The following C12orf42 variants were observed in gnomAD, a reference collection of about 807,000 sequenced individuals.
C12orf42 encodes uncharacterized protein C12orf42.
C12orf42 carries 25 observed loss-of-function variants against 21.6 expected under a neutral mutation model. The ratio of observed to expected loss-of-function variants is 1.16; its 90% CI spans 0.84 to 1.62. The LOEUF is 1.62. C12orf42 is among the 40% of genes most tolerant of loss of function. The probability of loss-of-function intolerance (pLI) is 0.00; values close to 1 mark genes in which losing one functional copy is unlikely to be tolerated. For missense variants in C12orf42, 483 were observed against 459.3 expected, an observed-to-expected ratio of 1.05 and a Z score of -0.47; for synonymous variants, 174 against 175.0, an observed-to-expected ratio of 0.99 and a Z score of 0.05.
At chr12:103,338,983 T>G (rs2041952770) in intron 4 of C12orf42, among the ~76,000 whole-genome samples, 1 of 152,176 alleles carries the variant, frequency 6.6e-6, no homozygotes, top group Non-Finnish European at 1.5e-5. Flanking sequence ...TACATTTTTA[T>G]AAAAAAGCAG....
intron 4 of C12orf42, among the ~76,000 whole-genome samples, chr12:103,296,878 T>G (rs2037326202): frequency 6.6e-6 from 1 of 152,252 alleles, no homozygotes; most frequent in Non-Finnish European, 1.5e-5. Context: ...ATCCCATTTG[T>G]CAATTTTGGC....
the C12orf42 span, among the ~76,000 whole-genome samples, chr12:103,514,991 G>T: frequency 6.6e-6 from 1 of 152,132 alleles, no homozygotes; most frequent in Non-Finnish European, 1.5e-5. Flanking sequence ...GGTATGGGGT[G>T]GGAAGTGGGG....
intron 2 of C12orf42, among the ~76,000 whole-genome samples, chr12:103,416,628 TAA>T (rs35347537): frequency 6.6e-6 from 1 of 150,682 alleles, no homozygotes; most frequent in Non-Finnish European, 1.5e-5. Context: ...GCAAGACAGT[TAA>T]AAAAAAAGAG....
intron 2 of C12orf42, among the ~76,000 whole-genome samples, chr12:103,424,875 G>T (rs1178668911): frequency 2.6e-5 from 4 of 152,172 alleles, no homozygotes; most frequent in Non-Finnish European, 2.9e-5. Context: ...AAGCCAGGGA[G>T]CCAAGTGGTC....
downstream of C12orf42, among the ~76,000 whole-genome samples, chr12:103,301,367 A>C (rs1213918376): frequency 1.3e-5 from 2 of 152,136 alleles, no homozygotes; most frequent in Non-Finnish European, 2.9e-5. Flanking sequence ...AAAGAGAAAA[A>C]CTAAACTCAT....
chr12:103,493,141 G>A (rs774846585), intron 1 of C12orf42, among the ~76,000 whole-genome samples: 3 of 152,126 alleles, frequency 2.0e-5, no homozygotes, highest in Non-Finnish European at 2.9e-5. Context: ...AGAGGTAGTG[G>A]TGATAAAATA....
At chr12:103,048,337 G>A in the C12orf42 span, among the ~76,000 whole-genome samples, 1 of 152,126 alleles carries the variant, frequency 6.6e-6, no homozygotes, top group African/African-American at 2.4e-5. Flanking sequence ...CTATAAAATA[G>A]GAATAATAAC....
At chr12:103,334,744 C>T (rs1004459536) in intron 4 of C12orf42, among the ~76,000 whole-genome samples, 1 of 152,142 alleles carries the variant, frequency 6.6e-6, no homozygotes, top group African/African-American at 2.4e-5. Flanking sequence ...AGAAATCGCT[C>T]GGCCAACTTC....
the C12orf42 span, among the ~76,000 whole-genome samples, chr12:103,199,473 C>A: frequency 6.6e-6 from 1 of 151,980 alleles, no homozygotes; most frequent in Non-Finnish European, 1.5e-5. Context: ...GATAAGTCAA[C>A]CTAAAAGTCT....
chr12:103,263,908 C>T (rs1247871033), downstream of C12orf42, among the ~76,000 whole-genome samples: 1 of 152,114 alleles, frequency 6.6e-6, no homozygotes, highest in Non-Finnish European at 1.5e-5. Flanking sequence ...TTAACTGGAA[C>T]CTGGCTGATG....
chr12:103,336,566 T>C (rs2041717390), intron 4 of C12orf42, among the ~76,000 whole-genome samples: 1 of 152,222 alleles, frequency 6.6e-6, no homozygotes, highest in South Asian at 2.1e-4. Flanking sequence ...GTAGATCTCC[T>C]ATAGAATGTG....
the C12orf42 span, among the ~76,000 whole-genome samples, chr12:103,139,413 T>C: frequency 6.9e-4 from 105 of 152,286 alleles, no homozygotes; most frequent in African/African-American, 2.5e-3. Flanking sequence ...TTCTGGATGT[T>C]CCAGATGGAA....
intron 1 of C12orf42, among the ~76,000 whole-genome samples, chr12:103,493,113 A>G (rs1194539796): frequency 6.6e-6 from 1 of 152,082 alleles, no homozygotes; most frequent in African/African-American, 2.4e-5. Context: ...CCTTCATTCA[A>G]TCCATATTCT....
the C12orf42 span, among the ~76,000 whole-genome samples, chr12:103,145,060 A>G: frequency 1.3e-5 from 2 of 152,174 alleles, no homozygotes; most frequent in South Asian, 2.1e-4. Flanking sequence ...TCCCATGACT[A>G]CACACAATGA....
the C12orf42 span, among the ~76,000 whole-genome samples, chr12:103,521,706 AAG>A: frequency 6.6e-6 from 1 of 152,186 alleles, no homozygotes; most frequent in African/African-American, 2.4e-5. Flanking sequence ...ATTTTTAAAA[AAG>A]AGAAACTACC....
At chr12:103,167,065 A>G in the C12orf42 span, among the ~76,000 whole-genome samples, 1 of 152,142 alleles carries the variant, frequency 6.6e-6, no homozygotes, top group Admixed American at 6.5e-5. Context: ...ACTAGTGTGT[A>G]TGGCCTGTGT....
chr12:103,322,149 ACG>A lies in C12orf42; in HGVS notation c.260-15806_260-15805del, dbSNP rs1411567157. 5.5e-4 allele frequency among the ~76,000 whole-genome samples: 82 copies of A among 148,370 alleles called. 1 individual carries two copies. Among genetic ancestry groups the A allele is most frequent in the Admixed American group, 5.4e-3 (80 of 14,906 alleles). ...CGCACACACACACACACACACACACACGCACACGCACACAACTTTCTTTAAGC... is the reference window on the plus strand; with the variant it reads ...CGCACACACACACACACACACACACACACACGCACACAACTTTCTTTAAGC... On this transcript the variant is annotated intron_variant, in intron 4 of 5. Transcript: ENST00000548883.
At chr12:103,551,866 A>T in the C12orf42 span, among the ~76,000 whole-genome samples, 1 of 152,222 alleles carries the variant, frequency 6.6e-6, no homozygotes, top group Non-Finnish European at 1.5e-5. Context: ...AAGAAGAAGA[A>T]GAGAAAAGGA....
the C12orf42 span, among the ~76,000 whole-genome samples, chr12:103,107,647 AAG>A: frequency 6.6e-6 from 1 of 151,894 alleles, no homozygotes; most frequent in Admixed American, 6.6e-5. Flanking sequence ...ACAAATTAGA[AAG>A]GGGGAAAGAT....
Sources: gnomAD v4.1 joint callset for allele counts (sites outside exome capture counted in the v4.1 genomes callset) on GRCh38, gnomAD v4.1.1 for gene constraint, MANE v1.5 for transcripts, NCBI Gene and HGNC (gene_info 2026-07-23, HGNC 2026-07-21) for gene names.